The following ITGA8 variants were observed in gnomAD, a reference collection of about 807,000 sequenced individuals.
ITGA8 encodes integrin subunit alpha 8.
Under a neutral mutation model 142.3 loss-of-function variants are expected in ITGA8, and 91 were observed. That is an observed-to-expected ratio of 0.64 (90% CI 0.54 to 0.76). ITGA8 has a LOEUF of 0.76. Among genes scored for constraint, ITGA8 ranks in the 30% least tolerant of loss-of-function variants. ITGA8 has a pLI of 0.00. For synonymous variants in ITGA8, 505 were observed against 485.2 expected (o/e 1.04, Z -0.54); for missense variants, 1,406 against 1,327.7 (o/e 1.06, Z -0.92).
chr10:15,552,282 G>A (rs556804083), intron 26 of ITGA8, among the ~76,000 whole-genome samples: 1 of 152,084 alleles, frequency 6.6e-6, no homozygotes, highest in East Asian at 1.9e-4. Flanking sequence ...GACTACAGGC[G>A]TCCGCCACCA....
intron 23 of ITGA8, among the ~76,000 whole-genome samples, chr10:15,580,126 T>TAAAAA (rs35286236): frequency 3.3e-4 from 36 of 108,860 alleles, no homozygotes; most frequent in East Asian, 5.6e-4. Context: ...TCAGAAAATG[T>TAAAAA]AAAAAAAAAA....
intron 4 of ITGA8, 78 bp downstream of exon 4, chr10:15,683,926 T>A: frequency 6.5e-7 from 1 of 1,545,828 alleles, no homozygotes; most frequent in Non-Finnish European, 8.8e-7. Context: ...CAATGGTGTT[T>A]TGAGCCTACC....
chr10:15,529,557 G>A (rs948951236), intron 28 of ITGA8, among the ~76,000 whole-genome samples: 8 of 152,282 alleles, frequency 5.3e-5, no homozygotes, highest in African/African-American at 1.9e-4. Flanking sequence ...TCTCTCATAA[G>A]ACTTTTAAAG....
chr10:15,548,623 C>A, intron 26 of ITGA8, 55 bp from the exon 27 acceptor site: 1 of 1,068,946 alleles, frequency 9.4e-7, no homozygotes, highest in Non-Finnish European at 1.4e-6. Context: ...AGAGACTGAA[C>A]ACTGAAGTTA....
chr10:15,651,343 T>A (rs1240410014), intron 11 of ITGA8, among the ~76,000 whole-genome samples: 1 of 152,218 alleles, frequency 6.6e-6, no homozygotes, highest in Admixed American at 6.5e-5. Context: ...AAACTGAAGA[T>A]AATTTCCCCA....
chr10:15,685,798 C>A (rs1364531970), intron 3 of ITGA8, among the ~76,000 whole-genome samples: 1 of 152,096 alleles, frequency 6.6e-6, no homozygotes, highest in Non-Finnish European at 1.5e-5. Flanking sequence ...ATTGAAACAA[C>A]AGCAAGAAAA....
intron 2 of ITGA8, among the ~76,000 whole-genome samples, chr10:15,694,638 TATA>T (rs1485532478): frequency 7.5e-6 from 1 of 133,984 alleles, no homozygotes; most frequent in Non-Finnish European, 1.6e-5. Context: ...AATATATTTA[TATA>T]ATATATTTTA....
chr10:15,570,597 C>G (rs923223649), intron 25 of ITGA8, among the ~76,000 whole-genome samples: 4 of 110,428 alleles, frequency 3.6e-5, no homozygotes, highest in African/African-American at 1.5e-4. Flanking sequence ...GCAACAATAG[C>G]GAAACTCCAT....
chr10:15,623,288 C>A (rs1291149943), intron 13 of ITGA8, among the ~76,000 whole-genome samples: 1 of 152,122 alleles, frequency 6.6e-6, no homozygotes, highest in African/African-American at 2.4e-5. Flanking sequence ...AAAGTTTAAA[C>A]CCAGGCAGTC....
intron 6 of ITGA8, among the ~76,000 whole-genome samples, chr10:15,675,483 A>G (rs572684251): frequency 6.6e-6 from 1 of 152,310 alleles, no homozygotes; most frequent in East Asian, 1.9e-4. Context: ...TACAGTCAGT[A>G]CCACCATCGC....
At position 15,651,077 on chromosome 10, in the gene ITGA8, C is replaced by T. The variant is rs1834077215; in HGVS notation, c.1002-4026G>A. On this transcript the variant is annotated intron_variant, in intron 11 of 29. Transcript: ENST00000378076. Reference sequence around the variant, plus strand: ...CCACTAAGAATCTGTTTAAATTTGGCTCCTTTTGGTCCTGCAGAGGTTAGA... The same window carrying T: ...CCACTAAGAATCTGTTTAAATTTGGTTCCTTTTGGTCCTGCAGAGGTTAGA... Among the ~76,000 whole-genome samples, 5 of 151,990 alleles carry T rather than the reference C, an allele frequency of 3.3e-5. No homozygotes were observed. In the South Asian group the frequency reaches 1.0e-3, roughly 32 times the overall value.
rs1378957931 is a variant in ITGA8 at position 15,606,287 on chromosome 10, G to A, written c.1900C>T (p.Gln634Ter). Residue 634 changes from glutamine to a stop codon, truncating the protein, a stop_gained and splice_region_variant, in exon 18 of 30, where the codon CAG (glutamine) becomes TAG (stop). Coordinates refer to ENST00000378076, the MANE Select transcript of ITGA8 (RefSeq NM_003638.3). LOFTEE classifies it high-confidence loss of function. Reference protein sequence around the residue: ...NYYRENIVSEQAHILVDCGED... With the variant: ...NYYRENIVSE Reference sequence around the variant, plus strand: ...GTCAAAGACTGTGAAGGACTTACCTGTTCACTAACAATGTTTTCTCTGTAG... The same window carrying A: ...GTCAAAGACTGTGAAGGACTTACCTATTCACTAACAATGTTTTCTCTGTAG... 1 of 1,604,530 alleles carries A rather than the reference G, an allele frequency of 6.2e-7. No individual in the cohort carries two copies. Among genetic ancestry groups the A allele is most frequent in the East Asian group, 2.2e-5 (1 of 44,634 alleles).
rs186526735 is a variant in ITGA8 at position 15,553,022 on chromosome 10, C to T, written c.2767-4454G>A. Among the ~76,000 whole-genome samples, 6 of 152,162 alleles carry T rather than the reference C, an allele frequency of 3.9e-5. No homozygotes were observed. In the South Asian group the frequency reaches 6.2e-4, roughly 16 times the overall value. On this transcript the variant is annotated intron_variant, in intron 26 of 29. Transcript: ENST00000378076. ...CTATAACCCCAGCACTTTGGGAGGA[C>T]GAGGTGGGACGTTCACTTGAGGTCA...
At chr10:15,556,113 AC>A (rs781166725) in intron 26 of ITGA8, among the ~76,000 whole-genome samples, 5 of 105,908 alleles carry the variant, frequency 4.7e-5, no homozygotes, top group African/African-American at 1.1e-4. Flanking sequence ...TGCAACCTCC[AC>A]CTCCCTAGTT....
chr10:15,545,349 C>T (rs549875115), intron 27 of ITGA8, among the ~76,000 whole-genome samples: 11 of 152,226 alleles, frequency 7.2e-5, no homozygotes, highest in Non-Finnish European at 7.3e-5. Context: ...GTTCCACTTG[C>T]TCCACTGTTT....
intron 2 of ITGA8, among the ~76,000 whole-genome samples, chr10:15,690,733 A>G (rs569898100): frequency 6.6e-6 from 1 of 152,248 alleles, no homozygotes; most frequent in South Asian, 2.1e-4. Flanking sequence ...CTAACAACTT[A>G]CTTTGCCACC....
chr10:15,605,274 T>G (rs1283811016), intron 19 of ITGA8, among the ~76,000 whole-genome samples: 1 of 152,048 alleles, frequency 6.6e-6, no homozygotes, highest in Non-Finnish European at 1.5e-5. Flanking sequence ...CTCCATAGAG[T>G]GCTATTTAGG....
chr10:15,662,965 A>G (rs1834317926), intron 8 of ITGA8, among the ~76,000 whole-genome samples: 1 of 152,182 alleles, frequency 6.6e-6, no homozygotes, highest in Non-Finnish European at 1.5e-5. Context: ...CGTGTATGAA[A>G]ATTGGAAGAA....
intron 23 of ITGA8, among the ~76,000 whole-genome samples, chr10:15,584,777 G>A (rs1442525925): frequency 1.3e-5 from 2 of 152,164 alleles, no homozygotes; most frequent in Non-Finnish European, 2.9e-5. Context: ...TTTTGGCCGA[G>A]CATGGTGGCT....
Sources: gnomAD v4.1 joint callset for allele counts (sites outside exome capture counted in the v4.1 genomes callset) on GRCh38, gnomAD v4.1.1 for gene constraint, MANE v1.5 for transcripts, NCBI Gene and HGNC (gene_info 2026-07-23, HGNC 2026-07-21) for gene names.